The following SEL1L2 variants were observed in gnomAD, a reference collection of about 807,000 sequenced individuals.
The protein encoded by SEL1L2 is SEL1L2 adaptor subunit of SYVN1 ubiquitin ligase.
Under a neutral mutation model 98.8 loss-of-function variants are expected in SEL1L2, and 89 were observed. The observed-to-expected ratio is 0.90, with a 90% CI of 0.76 to 1.07. SEL1L2 has a LOEUF of 1.07. Among genes scored for constraint, SEL1L2 ranks in the 50% least tolerant of loss-of-function variants. The pLI is 0.00. For synonymous variants in SEL1L2, 262 were observed against 278.5 expected, an observed-to-expected ratio of 0.94 and a Z score of 0.59; for missense variants, 788 against 812.0, an observed-to-expected ratio of 0.97 and a Z score of 0.36.
chr20:13,898,189 G>A (rs2047505961), intron 5 of SEL1L2, among the ~76,000 whole-genome samples: 1 of 152,198 alleles, frequency 6.6e-6, no homozygotes, highest in Admixed American at 6.5e-5. Flanking sequence ...CCACCCAGTA[G>A]GTGGAGCTGA....
chr20:13,888,489 A>G lies in SEL1L2; in HGVS notation c.573T>C (p.Tyr191=). ...AQNALGFLSS[Y]GIGMEYDQAK... ...CTTGATCATATTCCATTCCTATTCC[A>G]TAAGAAGACAAAAATCCTAATGCCT... The change falls in exon 6 of 20, where the codon TAT becomes TAC. Residue 191 remains tyrosine (Y), a synonymous_variant. Coordinates refer to ENST00000284951, the MANE Select transcript of SEL1L2 (RefSeq NM_025229.2). The G allele has an allele frequency of 6.4e-7, 1 of 1,565,482 alleles. No individual in the cohort carries two copies. Among genetic ancestry groups the G allele is most frequent in the Non-Finnish European group, 8.7e-7 (1 of 1,145,908 alleles).
intron 10 of SEL1L2, among the ~76,000 whole-genome samples, chr20:13,880,341 C>T (rs987658065): frequency 2.1e-4 from 32 of 152,102 alleles, no homozygotes; most frequent in African/African-American, 7.5e-4. Flanking sequence ...GGAGTTTTCC[C>T]CACCCTTAAA....
chr20:13,982,981 G>A (rs150774218), intron 1 of SEL1L2, among the ~76,000 whole-genome samples: 1,269 of 115,584 alleles, frequency 0.011, 17 homozygotes, highest in African/African-American at 0.038. Context: ...CTGAGTTCAC[G>A]CCACTGCACT....
chr20:13,853,859 G>T (rs983966070), intron 18 of SEL1L2, among the ~76,000 whole-genome samples: 2 of 152,144 alleles, frequency 1.3e-5, no homozygotes, highest in African/African-American at 2.4e-5. Flanking sequence ...CTATTTTGGA[G>T]CATTCTCGTT....
intron 5 of SEL1L2, among the ~76,000 whole-genome samples, chr20:13,909,131 CTCTT>C (rs2148159359): frequency 6.6e-6 from 1 of 150,910 alleles, no homozygotes; most frequent in East Asian, 1.9e-4. Flanking sequence ...TTTTCTCTCT[CTCTT>C]TCTCCAGCTT....
rs769403538 is a variant in SEL1L2, at chr20:13,865,474, TTC to T, written c.1443_1444del (p.Lys482IlefsTer9). On this transcript the variant is annotated frameshift_variant, in exon 16 of 20. Transcript: ENST00000284951. LOFTEE classifies it high-confidence loss of function. Reference sequence around the variant, plus strand: ...ATAGGCAAAGTAAGCTGTCAGGAATTTCTCAGCCCAGTGGCCTAGTTCACAGA... The same window carrying T: ...ATAGGCAAAGTAAGCTGTCAGGAATTTCAGCCCAGTGGCCTAGTTCACAGA... The T allele has an allele frequency of 9.2e-5, 149 of 1,613,972 alleles. No individual in the cohort carries two copies. The highest frequency in any genetic ancestry group is 1.2e-4 in the Non-Finnish European group (144 of 1,179,974).
chr20:13,952,943 C>T (rs535865829), intron 2 of SEL1L2, among the ~76,000 whole-genome samples: 106 of 152,268 alleles, frequency 7.0e-4, no homozygotes, highest in African/African-American at 2.2e-3. Context: ...GCGGGAGAAT[C>T]GCTTAAACCT....
intron 12 of SEL1L2, among the ~76,000 whole-genome samples, chr20:13,872,335 G>A (rs560433072): frequency 1.4e-4 from 22 of 152,226 alleles, no homozygotes; most frequent in South Asian, 8.3e-4. Flanking sequence ...TCATGGGGGC[G>A]GTTACCCCCG....
At chr20:13,939,412 A>G (rs1019354067) in intron 2 of SEL1L2, among the ~76,000 whole-genome samples, 2 of 152,132 alleles carry the variant, frequency 1.3e-5, no homozygotes, top group Non-Finnish European at 2.9e-5. Context: ...AAATACTTAT[A>G]TGTCATACAT....
intron 1 of SEL1L2, among the ~76,000 whole-genome samples, chr20:13,962,136 C>T (rs1000195298): frequency 6.6e-5 from 10 of 152,126 alleles, no homozygotes; most frequent in African/African-American, 1.9e-4. Context: ...AGACATGAAT[C>T]GTTGAGGCCT....
chr20:13,978,682 G>A (rs1316778838), intron 1 of SEL1L2, among the ~76,000 whole-genome samples: 3 of 151,254 alleles, frequency 2.0e-5, no homozygotes, highest in Admixed American at 1.3e-4. Flanking sequence ...ACAGATAAAC[G>A]AAAATATAAA....
chr20:13,875,557 C>T (rs1330885508), intron 12 of SEL1L2, among the ~76,000 whole-genome samples: 5 of 152,188 alleles, frequency 3.3e-5, no homozygotes, highest in African/African-American at 1.2e-4. Flanking sequence ...GTCGCCTTGC[C>T]CTGGCCTCCT....
chr20:13,922,363 A>G (rs2048701947), intron 3 of SEL1L2, among the ~76,000 whole-genome samples: 1 of 152,298 alleles, frequency 6.6e-6, no homozygotes, highest in Non-Finnish European at 1.5e-5. Context: ...AGTCGATTGC[A>G]TCTTTATTTG....
At chr20:13,900,000 A>C in intron 5 of SEL1L2, among the ~76,000 whole-genome samples, 1 of 152,224 alleles carries the variant, frequency 6.6e-6, no homozygotes, top group East Asian at 1.9e-4. Flanking sequence ...TTTTGGAATG[A>C]TATTTAAAGA....
intron 2 of SEL1L2, among the ~76,000 whole-genome samples, chr20:13,948,208 T>C (rs952848806): frequency 2.0e-5 from 3 of 151,994 alleles, no homozygotes; most frequent in African/African-American, 4.8e-5. Context: ...ATAGATTTAA[T>C]GCAATCCCTA....
Position 13,859,345 on chromosome 20 carries a change from TG to T in SEL1L2, c.1734del (p.Tyr578Ter). The T allele has an allele frequency of 6.2e-7, 1 of 1,614,178 alleles. No individual in the cohort carries two copies. The highest frequency in any genetic ancestry group is 1.3e-5 in the African/African-American group (1 of 75,068). ...TTGTGGTATTTGTTGGCTGCAATGC[TG>T]TAGTGTGTGGCTGCTGTTTGATAGT... ...KKDYQTAATH[Y>X]SIAANKYHNA... On this transcript the variant is annotated frameshift_variant, in exon 18 of 20. Coordinates refer to ENST00000284951, the MANE Select transcript of SEL1L2 (RefSeq NM_025229.2). LOFTEE classifies it high-confidence loss of function.
At chr20:13,914,161 A>G (rs554798008) in intron 4 of SEL1L2, among the ~76,000 whole-genome samples, 15 of 152,320 alleles carry the variant, frequency 9.8e-5, no homozygotes, top group African/African-American at 3.4e-4. Context: ...TAATGCTACT[A>G]AAAAGGAGAA....
chr20:13,986,789 G>A (rs2052206859), intron 1 of SEL1L2, among the ~76,000 whole-genome samples: 3 of 152,088 alleles, frequency 2.0e-5, no homozygotes, highest in Non-Finnish European at 4.4e-5. Context: ...AAATTAATAG[G>A]TCACATTGTA....
At chr20:13,907,066 A>G (rs2047964880) in intron 5 of SEL1L2, among the ~76,000 whole-genome samples, 2 of 152,244 alleles carry the variant, frequency 1.3e-5, no homozygotes, top group Admixed American at 1.3e-4. Flanking sequence ...GCATGATAAA[A>G]TAGGGAAACA....
Sources: allele counts gnomAD v4.1 joint callset (sites outside exome capture counted in the v4.1 genomes callset), GRCh38; gene constraint gnomAD v4.1.1; transcripts MANE v1.5; gene names NCBI Gene and HGNC (gene_info 2026-07-23, HGNC 2026-07-21).